Variants in ERBIN observed in about 807,000 individuals in gnomAD.
ERBIN encodes the protein densin-180-like protein.
ERBIN carries 60 observed loss-of-function variants against 158.4 expected under a neutral mutation model. The observed-to-expected ratio is 0.38, with a 90% CI of 0.31 to 0.47. The LOEUF (loss-of-function observed/expected upper bound fraction) is 0.47, where lower values mean the gene tolerates loss of function less well. Ranked by LOEUF, ERBIN falls within the 20% of genes least tolerant of loss-of-function variation. The pLI is 0.99. For missense variants in ERBIN, 1,610 were observed against 1,648.0 expected, an observed-to-expected ratio of 0.98 and a Z score of 0.40; for synonymous variants, 594 against 557.2, an observed-to-expected ratio of 1.07 and a Z score of -0.93.
intron 1 of ERBIN, among the ~76,000 whole-genome samples, chr5:65,956,372 ATTTT>A (rs1200098319): frequency 3.3e-5 from 4 of 121,600 alleles, no homozygotes; most frequent in African/African-American, 6.3e-5. Flanking sequence ...CTTTCAGGTG[ATTTT>A]TTTTTTTTTT....
chr5:65,947,919 A>G (rs1274727496), intron 1 of ERBIN, among the ~76,000 whole-genome samples: 1 of 151,810 alleles, frequency 6.6e-6, no homozygotes, highest in Non-Finnish European at 1.5e-5. Context: ...AGGCAGGAGA[A>G]TCACTTGAAC....
intron 14 of ERBIN, 143 bp downstream of exon 14, chr5:66,028,486 A>G (rs1253864607): frequency 4.2e-6 from 2 of 479,350 alleles, no homozygotes; most frequent in Non-Finnish European, 7.2e-6. Context: ...AAATCTCAAA[A>G]TATTTAGAAG....
At chr5:66,049,412 T>G (rs564704766) in intron 19 of ERBIN, among the ~76,000 whole-genome samples, 1 of 152,256 alleles carries the variant, frequency 6.6e-6, no homozygotes, top group South Asian at 2.1e-4. Flanking sequence ...AAGGTGGCCC[T>G]TGGATAGCTT....
In ERBIN at chr5:65,986,458, T is replaced by TA. The variant is rs1370308515; in HGVS notation, c.-57-2176dup. 4.6e-5 allele frequency among the ~76,000 whole-genome samples: 7 copies of TA among 152,182 alleles called. No homozygotes were observed. The South Asian group carries it at 1.2e-3, about 27-fold the overall frequency. ...TTGTTGTTTTTTGTGGCATGCAGTATATGTAGAATTCTTAGAGAACGTTAA... is the reference window on the plus strand; with the variant it reads ...TTGTTGTTTTTTGTGGCATGCAGTATAATGTAGAATTCTTAGAGAACGTTAA... On this transcript the variant is annotated intron_variant, in intron 1 of 25. Coordinates refer to ENST00000284037, the MANE Select transcript of ERBIN (RefSeq NM_001253697.2).
intron 1 of ERBIN, among the ~76,000 whole-genome samples, chr5:65,973,292 T>C (rs924123539): frequency 1.3e-5 from 2 of 151,070 alleles, no homozygotes; most frequent in Admixed American, 6.6e-5. Context: ...TTAGGAGATA[T>C]ACCCAATGTA....
chr5:66,067,366 G>T (rs537464712), intron 21 of ERBIN, among the ~76,000 whole-genome samples: 1 of 152,268 alleles, frequency 6.6e-6, no homozygotes, highest in Admixed American at 6.5e-5. Flanking sequence ...AGAAATGCTT[G>T]TTATGATATT....
At chr5:66,026,770 G>A (rs1383548104) in intron 13 of ERBIN, among the ~76,000 whole-genome samples, 1 of 151,908 alleles carries the variant, frequency 6.6e-6, no homozygotes, top group African/African-American at 2.4e-5. Flanking sequence ...TTTATCTGAT[G>A]TTAATTTATC....
chr5:65,977,201 C>T (rs1242060438), intron 1 of ERBIN, among the ~76,000 whole-genome samples: 1 of 135,048 alleles, frequency 7.4e-6, no homozygotes, highest in Admixed American at 7.2e-5. Flanking sequence ...GGGGCTGACC[C>T]CCCCCCACCT....
intron 7 of ERBIN, among the ~76,000 whole-genome samples, chr5:66,018,560 A>T (rs867902160): frequency 0.052 from 613 of 11,902 alleles, 210 homozygotes; most frequent in Non-Finnish European, 0.07. Flanking sequence ...ATATTATATA[A>T]TATATATTAT....
At chr5:66,030,214 T>C (rs1650189391) in intron 14 of ERBIN, among the ~76,000 whole-genome samples, 1 of 151,296 alleles carries the variant, frequency 6.6e-6, no homozygotes, top group Non-Finnish European at 1.5e-5. Flanking sequence ...AATTTTTGTA[T>C]TTTTTTTAGT....
intron 1 of ERBIN, among the ~76,000 whole-genome samples, chr5:65,984,363 CTG>C (rs1750982810): frequency 6.6e-6 from 1 of 152,218 alleles, no homozygotes; most frequent in Non-Finnish European, 1.5e-5. Context: ...GGGGCCCCGT[CTG>C]TGCACTGGGC....
chr5:66,075,222 A>C lies in ERBIN; in HGVS notation c.3955A>C (p.Lys1319Gln). 6.2e-7 allele frequency: 1 copy of C among 1,613,842 alleles called. No individual in the cohort carries two copies. Among genetic ancestry groups the C allele is most frequent in the African/African-American group, 1.3e-5 (1 of 75,076 alleles). ...TCCTAGACAAGGCCATGAACTGGCA[A>C]AACAAGAGGTAAGAATAATCAAGAC... is the stretch of plus-strand genomic sequence containing the variant. ...CSPRQGHELA[K>Q]QEIRVRVEKD... Residue 1319 changes from lysine (K) to glutamine (Q), a missense_variant, in exon 23 of 26, where the codon AAA becomes CAA. By Grantham distance (53) the Lys-to-Gln change is moderately conservative. Transcript: ENST00000284037.
intron 14 of ERBIN, among the ~76,000 whole-genome samples, chr5:66,034,843 A>G (rs1757233727): frequency 6.6e-6 from 1 of 152,214 alleles, no homozygotes; most frequent in Non-Finnish European, 1.5e-5. Context: ...GTGCAAGAAA[A>G]GAATAATGCA....
At chr5:65,951,377 G>C (rs1191631589) in intron 1 of ERBIN, among the ~76,000 whole-genome samples, 2 of 152,112 alleles carry the variant, frequency 1.3e-5, no homozygotes, top group Non-Finnish European at 2.9e-5. Flanking sequence ...CATAATAAGT[G>C]CTCAATAAGT....
intron 21 of ERBIN, among the ~76,000 whole-genome samples, chr5:66,071,249 AT>A (rs1761501147): frequency 6.6e-6 from 1 of 152,122 alleles, no homozygotes; most frequent in African/African-American, 2.4e-5. Context: ...CACAACTGTT[AT>A]CCCAGCTACT....
intron 18 of ERBIN, among the ~76,000 whole-genome samples, chr5:66,047,725 A>G (rs1028817405): frequency 2.0e-5 from 3 of 151,964 alleles, no homozygotes; most frequent in Admixed American, 1.3e-4. Context: ...CAACAGGAAT[A>G]ATTTTTTAAA....
chr5:66,061,548 A>T (rs1371799840), intron 21 of ERBIN, among the ~76,000 whole-genome samples: 1 of 152,124 alleles, frequency 6.6e-6, no homozygotes, highest in Non-Finnish European at 1.5e-5. Context: ...TTTACATTTA[A>T]GGTTAGTAGT....
intron 1 of ERBIN, among the ~76,000 whole-genome samples, chr5:65,940,966 G>A (rs1744931920): frequency 6.6e-6 from 1 of 152,126 alleles, no homozygotes; most frequent in Non-Finnish European, 1.5e-5. Flanking sequence ...ATTTTGTTCT[G>A]TACTAAGAAA....
At chr5:65,946,896 CT>C (rs1224771572) in intron 1 of ERBIN, among the ~76,000 whole-genome samples, 3 of 150,418 alleles carry the variant, frequency 2.0e-5, no homozygotes, top group African/African-American at 7.4e-5. Context: ...TGTGGAACAT[CT>C]TTAACTGTGC....
Sources: gnomAD v4.1 joint callset for allele counts (sites outside exome capture counted in the v4.1 genomes callset) on GRCh38, gnomAD v4.1.1 for gene constraint, MANE v1.5 for transcripts, NCBI Gene and HGNC (gene_info 2026-07-23, HGNC 2026-07-21) for gene names.